ARHGEF2: variants seen among roughly 807,000 people sequenced by gnomAD.
ARHGEF2 encodes the protein Rho/Rac guanine nucleotide exchange factor 2, also known as rho guanine nucleotide exchange factor 2.
Under a neutral mutation model 121.0 loss-of-function variants are expected in ARHGEF2, and 22 were observed. The observed-to-expected ratio is 0.18, with a 90% CI of 0.13 to 0.26. The LOEUF (loss-of-function observed/expected upper bound fraction) is 0.26. Among genes scored for constraint, ARHGEF2 ranks in the 10% least tolerant of loss-of-function variants. ARHGEF2 has a pLI of 1.00. For synonymous variants in ARHGEF2, 487 were observed against 530.0 expected, an observed-to-expected ratio of 0.92 and a Z score of 1.11; for missense variants, 907 against 1,336.0, an observed-to-expected ratio of 0.68 and a Z score of 5.01.
chr1:155,958,126 C>T (rs1040685770), intron 12 of ARHGEF2, among the ~76,000 whole-genome samples, 194 bp downstream of exon 12: 1 of 152,106 alleles, frequency 6.6e-6, no homozygotes, highest in Non-Finnish European at 1.5e-5. Flanking sequence ...TAATCTTTTC[C>T]CACAGGTGTA....
chr1:155,969,973 A>C, intron 1 of ARHGEF2: 1 of 985,330 alleles, frequency 1.0e-6, no homozygotes, highest in Non-Finnish European at 1.2e-6. Flanking sequence ...ACTAACCTTG[A>C]GGCAAAGGCA....
chr1:155,979,305 C>G (rs115248700), upstream of ARHGEF2: 2,104 of 985,436 alleles, frequency 2.1e-3, 38 homozygotes, highest in African/African-American at 0.033. Context: ...GCAGTTCTCT[C>G]TGTTGCAAGT....
Position 155,950,238 on chromosome 1 carries a change from C to A in ARHGEF2, c.2887+61G>T. On this transcript the variant is annotated intron_variant, in intron 21 of 21. Transcript: ENST00000361247. This position sits in a 1 kb window ranked among gnomAD's most constrained non-coding sequence, Gnocchi z 5.2. Reference sequence around the variant, plus strand: ...GTTAGGGCCCATTTGGAAGCCACAGCCCAATGGCCTGTACCCAGGCTGCAC... The same window carrying A: ...GTTAGGGCCCATTTGGAAGCCACAGACCAATGGCCTGTACCCAGGCTGCAC... 6.3e-7 allele frequency: 1 copy of A among 1,582,176 alleles called. No individual in the cohort carries two copies.
At position 155,962,554 on chromosome 1, in the gene ARHGEF2, T is replaced by A. The variant is rs1261184079; in HGVS notation, c.1101+39A>T. On this transcript the variant is annotated intron_variant, in intron 9 of 21. Transcript: ENST00000361247. The surrounding 1 kb of genome is among the most constrained non-coding windows in gnomAD (Gnocchi z 5.8). ...ACCCCCATGAGTTGGGGAGGGTGGGTTTGGGCCATGAGCATGGGATCTGGA... is the reference window on the plus strand; with the variant it reads ...ACCCCCATGAGTTGGGGAGGGTGGGATTGGGCCATGAGCATGGGATCTGGA... 6.2e-7 allele frequency: 1 copy of A among 1,609,286 alleles called. No individual in the cohort carries two copies. Among genetic ancestry groups the A allele is most frequent in the Admixed American group, 1.7e-5 (1 of 59,750 alleles).
intron 14 of ARHGEF2, 35 bp downstream of exon 14, chr1:155,954,867 T>C: frequency 6.3e-7 from 1 of 1,588,604 alleles, no homozygotes; most frequent in Non-Finnish European, 8.6e-7. Flanking sequence ...GAATGTATTA[T>C]AAATTACTAA....
Position 155,950,966 on chromosome 1 carries a change from C to A in ARHGEF2, c.2566G>T (p.Ala856Ser). 1.2e-6 allele frequency: 2 copies of A among 1,607,998 alleles called. No individual in the cohort carries two copies. The highest frequency in any genetic ancestry group is 1.7e-6 in the Non-Finnish European group (2 of 1,177,216). The stretch of plus-strand genomic sequence containing the variant: ...CCCAGGGCGGCCAGCTGCCTTCGAG[C>A]CTCTTCGGCCTCACGCTCCAGCAGT... ...RALLEREAEE[A>S]RRQLAALGQT... Residue 856 changes from alanine (A) to serine (S), a missense_variant, in exon 20 of 22, where the codon GCT (alanine) becomes TCT (serine). Physicochemically the swap from Ala to Ser is moderately conservative, Grantham distance 99. Around this residue, in one of 2 missense-constraint regions of ARHGEF2, gnomAD observed 432 missense variants for 559.5 expected, o/e 0.77. Transcript: ENST00000361247. This position sits in a 1 kb window ranked among gnomAD's most constrained non-coding sequence, Gnocchi z 5.2.
intron 15 of ARHGEF2, 54 bp downstream of exon 15, chr1:155,952,574 C>T (rs1572061473): frequency 1.3e-6 from 2 of 1,547,606 alleles, no homozygotes; most frequent in African/African-American, 1.4e-5. Flanking sequence ...CACATGTCCA[C>T]ATTCTGTGAC....
intron 2 of ARHGEF2, among the ~76,000 whole-genome samples, chr1:155,967,784 C>A (rs984286998): frequency 3.3e-5 from 5 of 152,184 alleles, no homozygotes; most frequent in African/African-American, 9.7e-5. Context: ...TGGCCGTGCC[C>A]TTCCCAGACA....
At chr1:155,970,709 G>C in intron 1 of ARHGEF2, 1 of 986,066 alleles carries the variant, frequency 1.0e-6, no homozygotes, top group Non-Finnish European at 1.2e-6. Flanking sequence ...AGAGATGCAC[G>C]GGCCTGGTGC....
intron 11 of ARHGEF2, among the ~76,000 whole-genome samples, chr1:155,959,420 T>C (rs1572105922): frequency 6.6e-6 from 1 of 151,924 alleles, no homozygotes; most frequent in East Asian, 1.9e-4. Flanking sequence ...GCTAATTTTT[T>C]GCATTTTTGT....
intron 7 of ARHGEF2, among the ~76,000 whole-genome samples, chr1:155,964,184 A>ATG (rs1558031353): frequency 6.5e-5 from 7 of 107,274 alleles, no homozygotes; most frequent in East Asian, 2.6e-4. Flanking sequence ...ATATATATAT[A>ATG]TATATATATA....
Position 155,978,117 on chromosome 1 carries a change from G to A in ARHGEF2, c.63+248C>T. Reference sequence around the variant, plus strand: ...TAAAGCACTCGGTCCCGCCGGCTTGGAGGCGACCAAGCCCAGGTCCGCTCC... The same window carrying A: ...TAAAGCACTCGGTCCCGCCGGCTTGAAGGCGACCAAGCCCAGGTCCGCTCC... On this transcript the variant is annotated intron_variant, in intron 1 of 21. Coordinates refer to ENST00000361247, the MANE Select transcript of ARHGEF2 (RefSeq NM_001162383.2). This position sits in a 1 kb window ranked among gnomAD's most constrained non-coding sequence, Gnocchi z 4.1. 2 of 1,236,484 alleles carry A rather than the reference G, an allele frequency of 1.6e-6. No homozygotes were observed. Among genetic ancestry groups the A allele is most frequent in the South Asian group, 2.9e-5 (1 of 34,752 alleles). The allele number at this position is 1,236,484 out of a possible 1,614,324, so 76.6% of individuals were successfully genotyped here.
At chr1:155,970,712 C>T in intron 1 of ARHGEF2, 1 of 986,130 alleles carries the variant, frequency 1.0e-6, no homozygotes, top group Non-Finnish European at 1.2e-6. Flanking sequence ...GATGCACGGG[C>T]CTGGTGCTTG....
rs1399558076 is a variant in ARHGEF2 at position 155,961,552 on chromosome 1, G to A, written c.1468+109C>T. On this transcript the variant is annotated intron_variant, in intron 11 of 21. Coordinates refer to ENST00000361247, the MANE Select transcript of ARHGEF2 (RefSeq NM_001162383.2). The surrounding 1 kb of genome is among the most constrained non-coding windows in gnomAD (Gnocchi z 4.7). The stretch of plus-strand genomic sequence containing the variant: ...GCCTCCCTAAGTGCTGGGATTACAG[G>A]CGTTGAGCCACTGCACCCGGCCAAG... 1 of 1,466,662 alleles carries A rather than the reference G, an allele frequency of 6.8e-7. No homozygotes were observed. Among genetic ancestry groups the A allele is most frequent in the East Asian group, 2.3e-5 (1 of 43,850 alleles). 90.9% of individuals were successfully genotyped at this position (1,466,662 alleles called of 1,614,324 possible).
Position 155,951,589 on chromosome 1 carries a change from A to G in ARHGEF2, c.2209-56T>C. ...CAGCTTTAGGATGGGAGAACTGCCC[A>G]AAAGTTGAACAAGGGTGGGTGTGGG... is the stretch of plus-strand genomic sequence containing the variant. On this transcript the variant is annotated intron_variant, in intron 18 of 21. Coordinates refer to ENST00000361247, the MANE Select transcript of ARHGEF2 (RefSeq NM_001162383.2). This position sits in a 1 kb window ranked among gnomAD's most constrained non-coding sequence, Gnocchi z 5.1. The G allele has an allele frequency of 6.2e-7, 1 of 1,613,006 alleles. No individual in the cohort carries two copies. The highest frequency in any genetic ancestry group is 8.5e-7 in the Non-Finnish European group (1 of 1,178,960).
At position 155,947,527 on chromosome 1, in the gene ARHGEF2, G is replaced by A; in HGVS notation, c.*415C>T. ...CTCCAAGACGGATGTTGCAGGGGAG[G>A]GCCGTTAGGGCAAGAACCCAGCAGC... On this transcript the variant is annotated 3_prime_UTR_variant, in exon 22 of 22. Coordinates refer to ENST00000361247, the MANE Select transcript of ARHGEF2 (RefSeq NM_001162383.2). 1 of 424,970 alleles carries A rather than the reference G, an allele frequency of 2.4e-6. No homozygotes were observed. The highest frequency in any genetic ancestry group is 4.7e-6 in the Non-Finnish European group (1 of 211,522). 26.3% of individuals were successfully genotyped at this position (424,970 alleles called of 1,614,324 possible).
intron 7 of ARHGEF2, among the ~76,000 whole-genome samples, chr1:155,964,119 T>C (rs1262003186): frequency 8.0e-6 from 1 of 125,760 alleles, no homozygotes; most frequent in Admixed American, 8.9e-5. Context: ...CACTCCAGCA[T>C]GGGCGACAGA....
intron 13 of ARHGEF2, among the ~76,000 whole-genome samples, chr1:155,955,895 T>C (rs1459453022): frequency 6.6e-6 from 1 of 151,948 alleles, no homozygotes; most frequent in African/African-American, 2.4e-5. Context: ...TTTATATTTT[T>C]AGTAGAGACA....
intron 1 of ARHGEF2, among the ~76,000 whole-genome samples, chr1:155,971,591 A>AAAAAAAAAAAAC (rs1680475161): frequency 6.6e-6 from 1 of 150,754 alleles, no homozygotes; most frequent in Non-Finnish European, 1.5e-5. Context: ...AAAAAAAAAA[A>AAAAAAAAAAAAC]AGAAGTTCAA....
Sources: allele counts gnomAD v4.1 joint callset (sites outside exome capture counted in the v4.1 genomes callset), GRCh38; gene constraint gnomAD v4.1.1; regional missense constraint gnomAD v4.1.1; non-coding constraint Gnocchi (gnomAD v3.1); transcripts MANE v1.5; gene names NCBI Gene and HGNC (gene_info 2026-07-23, HGNC 2026-07-21).